The following GPR158 variants were observed in gnomAD, a reference collection of about 807,000 sequenced individuals.
GPR158 encodes the protein metabotropic glycine receptor.
Under a neutral mutation model 78.2 loss-of-function variants are expected in GPR158, and 30 were observed. The ratio of observed to expected loss-of-function variants is 0.38; its 90% CI spans 0.29 to 0.52. The LOEUF (loss-of-function observed/expected upper bound fraction) is 0.52. Among genes scored for constraint, GPR158 ranks in the 20% least tolerant of loss-of-function variants. The probability of loss-of-function intolerance (pLI) is 0.83; values close to 1 mark genes in which losing one functional copy is unlikely to be tolerated. For synonymous variants in GPR158, 581 were observed against 591.1 expected (o/e 0.98, Z 0.25); for missense variants, 1,463 against 1,523.5 (o/e 0.96, Z 0.66).
intron 7 of GPR158, among the ~76,000 whole-genome samples, chr10:25,585,073 T>C (rs949459877): frequency 6.6e-6 from 1 of 152,248 alleles, no homozygotes; most frequent in African/African-American, 2.4e-5. Flanking sequence ...TATGATTGGC[T>C]GAAGCTTCCT....
intron 2 of GPR158, among the ~76,000 whole-genome samples, chr10:25,332,123 G>A (rs1407817816): frequency 6.6e-6 from 1 of 152,178 alleles, no homozygotes; most frequent in East Asian, 1.9e-4. Flanking sequence ...CTGGGGGGGG[G>A]CGAATACATT....
chr10:25,229,759 T>C lies in GPR158; in HGVS notation c.1008+8602T>C, dbSNP rs918074003. ...ATGAGGATGTATGGGGTATTTTAGATTACAAACTACATTTAACCTTGGAAA... is the reference window on the plus strand; with the variant it reads ...ATGAGGATGTATGGGGTATTTTAGACTACAAACTACATTTAACCTTGGAAA... On this transcript the variant is annotated intron_variant, in intron 2 of 10. Coordinates refer to ENST00000376351, the MANE Select transcript of GPR158 (RefSeq NM_020752.3). Among the ~76,000 whole-genome samples the C allele has an allele frequency of 1.2e-4, 19 of 152,318 alleles. 1 individual carries two copies. The highest frequency in any genetic ancestry group is 9.6e-4 in the East Asian group (5 of 5,184).
chr10:25,203,127 A>G (rs1008540405), intron 1 of GPR158, among the ~76,000 whole-genome samples: 1 of 151,990 alleles, frequency 6.6e-6, no homozygotes, highest in African/African-American at 2.4e-5. Flanking sequence ...AAATTTGTTT[A>G]GGTTCTTTGT....
intron 4 of GPR158, among the ~76,000 whole-genome samples, chr10:25,424,136 T>C (rs1299531136): frequency 1.3e-5 from 2 of 152,240 alleles, no homozygotes; most frequent in Non-Finnish European, 2.9e-5. Context: ...TGGCCGGTGA[T>C]GATGAGCATT....
At chr10:25,367,997 C>T (rs1375638064) in intron 2 of GPR158, among the ~76,000 whole-genome samples, 2 of 151,834 alleles carry the variant, frequency 1.3e-5, no homozygotes. Flanking sequence ...ATGGAAACTT[C>T]AAGTGCCAGA....
intron 5 of GPR158, among the ~76,000 whole-genome samples, chr10:25,483,916 T>G (rs936709601): frequency 9.9e-5 from 15 of 152,214 alleles, no homozygotes; most frequent in African/African-American, 3.6e-4. Flanking sequence ...TTGTTGAATT[T>G]CAATATAATT....
At chr10:25,517,848 C>G (rs1836203458) in intron 5 of GPR158, among the ~76,000 whole-genome samples, 1 of 147,680 alleles carries the variant, frequency 6.8e-6, no homozygotes, top group Admixed American at 6.8e-5. Flanking sequence ...TTGGTTGTGT[C>G]TCTGCCTGGC....
intron 5 of GPR158, among the ~76,000 whole-genome samples, chr10:25,481,092 A>T (rs555661402): frequency 6.6e-6 from 1 of 152,304 alleles, no homozygotes; most frequent in Non-Finnish European, 1.5e-5. Context: ...TTACAGGTTC[A>T]TGAGTGATTA....
At chr10:25,291,640 T>C (rs1854437116) in intron 2 of GPR158, among the ~76,000 whole-genome samples, 1 of 152,082 alleles carries the variant, frequency 6.6e-6, no homozygotes, top group Non-Finnish European at 1.5e-5. Flanking sequence ...ATACAACTTC[T>C]GTATAACCAA....
intron 2 of GPR158, among the ~76,000 whole-genome samples, chr10:25,252,453 T>A (rs1404549482): frequency 6.6e-6 from 1 of 151,890 alleles, no homozygotes; most frequent in African/African-American, 2.4e-5. Flanking sequence ...TTTTATCTAC[T>A]TTTGGTCTTT....
chr10:25,514,723 C>G (rs1480135273), intron 5 of GPR158, among the ~76,000 whole-genome samples: 2 of 152,138 alleles, frequency 1.3e-5, no homozygotes, highest in African/African-American at 2.4e-5. Flanking sequence ...TGTGAATTCT[C>G]TTAGCATTTG....
Position 25,572,860 on chromosome 10 carries a change from G to T in GPR158, c.1726G>T (p.Asp576Tyr), listed in dbSNP as rs2130732176. The T allele has an allele frequency of 6.2e-7, 1 of 1,607,572 alleles. No homozygotes were observed. Among genetic ancestry groups the T allele is most frequent in the South Asian group, 1.1e-5 (1 of 90,936 alleles). ...DHLIFNMCLI[D>Y]RWDYMTAVAE... is the part of the protein sequence containing the mutation. ...CCTCATCTTCAATATGTGCCTCATTGACCGCTGGGACTACATGACAGCAGT... is the reference window on the plus strand; with the variant it reads ...CCTCATCTTCAATATGTGCCTCATTTACCGCTGGGACTACATGACAGCAGT... The change falls in exon 7 of 11, where the codon GAC becomes TAC. Residue 576 changes from aspartate (D) to tyrosine (Y), a missense_variant. Asp to Tyr is a radical substitution (Grantham distance 160, BLOSUM62 -3). Transcript: ENST00000376351.
At chr10:25,408,264 A>G (rs906678292) in intron 3 of GPR158, among the ~76,000 whole-genome samples, 4 of 152,204 alleles carry the variant, frequency 2.6e-5, no homozygotes, top group African/African-American at 9.6e-5. Context: ...TTTAACTTCT[A>G]TTGTAGTTCT....
rs1853617867 is a variant in GPR158 at position 25,241,311 on chromosome 10, T to TTCTC, written c.1008+20155_1008+20156insCTCT. ...TTTCTTTTCTTTTCTTTTCTTTTCT[T>TTCTC]TTCTCTTCTCTTCTCTTCTCTTCTC... On this transcript the variant is annotated intron_variant, in intron 2 of 10. Transcript: ENST00000376351. Among the ~76,000 whole-genome samples, 219 of 104,574 alleles carry TTCTC rather than the reference T, an allele frequency of 2.1e-3. 4 individuals are homozygous for TTCTC. The highest frequency in any genetic ancestry group is 8.1e-3 in the African/African-American group (184 of 22,814). The allele number at this position is 104,574 out of a possible 152,430, so 68.6% of individuals were successfully genotyped here. A position where few individuals can be genotyped will look rare whatever the true frequency, so the allele number is the denominator to read the frequency against.
At chr10:25,452,815 A>ATAT (rs1835239343) in intron 4 of GPR158, among the ~76,000 whole-genome samples, 1 of 152,192 alleles carries the variant, frequency 6.6e-6, no homozygotes, top group Non-Finnish European at 1.5e-5. Context: ...CCCATTCTGT[A>ATAT]TATTAGATCC....
At chr10:25,596,442 G>C (rs1837407383) in intron 9 of GPR158, among the ~76,000 whole-genome samples, 2 of 151,890 alleles carry the variant, frequency 1.3e-5, no homozygotes, top group African/African-American at 2.4e-5. Context: ...TGCTCTCCTG[G>C]CTGAGCAACA....
At chr10:25,401,578 T>G (rs887419097) in intron 3 of GPR158, among the ~76,000 whole-genome samples, 6 of 152,096 alleles carry the variant, frequency 3.9e-5, no homozygotes, top group Non-Finnish European at 7.4e-5. Context: ...GCTGAAATAC[T>G]AATTTATTAG....
intron 1 of GPR158, among the ~76,000 whole-genome samples, chr10:25,191,800 C>T (rs751971715): frequency 6.6e-6 from 1 of 152,158 alleles, no homozygotes; most frequent in Non-Finnish European, 1.5e-5. Flanking sequence ...AGGGGGCTCA[C>T]AGGTTCTGAG....
chr10:25,391,818 G>C (rs942202025), intron 2 of GPR158, among the ~76,000 whole-genome samples: 1 of 152,116 alleles, frequency 6.6e-6, no homozygotes, highest in Non-Finnish European at 1.5e-5. Context: ...GGGGTGGAAT[G>C]ATATGGTTTG....
Sources: gnomAD v4.1 joint callset for allele counts (sites outside exome capture counted in the v4.1 genomes callset) on GRCh38, gnomAD v4.1.1 for gene constraint, MANE v1.5 for transcripts, NCBI Gene and HGNC (gene_info 2026-07-23, HGNC 2026-07-21) for gene names.